The following GTF2I variants were observed in gnomAD, a reference collection of about 807,000 sequenced individuals.
GTF2I encodes the protein general transcription factor II-I.
Under a neutral mutation model 67.6 loss-of-function variants are expected in GTF2I, and 12 were observed. The observed-to-expected ratio is 0.18, with a 90% CI of 0.11 to 0.29. The LOEUF is 0.29. Ranked by LOEUF, GTF2I falls within the 10% of genes least tolerant of loss-of-function variation. GTF2I has a pLI of 1.00. For missense variants in GTF2I, 271 were observed against 580.1 expected (o/e 0.47, Z 5.47); for synonymous variants, 149 against 197.0 (o/e 0.76, Z 2.04).
chr7:74,661,030 G>A lies in GTF2I; in HGVS notation c.-6+2962G>A, dbSNP rs185379463. Among the ~76,000 whole-genome samples, 171 of 152,322 alleles carry A rather than the reference G, an allele frequency of 1.1e-3. 1 individual carries two copies. The highest frequency in any genetic ancestry group is 3.9e-3 in the African/African-American group (163 of 41,582). On this transcript the variant is annotated intron_variant, in intron 1 of 34. Coordinates refer to ENST00000573035, the MANE Select transcript of GTF2I (RefSeq NM_032999.4). ...TTTTCTTATTTAATCTTTGTGACAA[G>A]TCTGTAATTCTATTCTATAGAGCGG...
At chr7:74,721,825 A>C (rs966018232) in intron 12 of GTF2I, among the ~76,000 whole-genome samples, 1 of 152,088 alleles carries the variant, frequency 6.6e-6, no homozygotes, top group Admixed American at 6.5e-5. Context: ...CAATAATCTG[A>C]AAAAAGATCT....
At chr7:74,700,770 A>T in intron 6 of GTF2I, 136 bp downstream of exon 6, 1 of 873,218 alleles carries the variant, frequency 1.1e-6, no homozygotes. Flanking sequence ...TTAGATGTTT[A>T]TATAATCCAC....
intron 3 of GTF2I, among the ~76,000 whole-genome samples, chr7:74,696,458 C>G (rs1288208161): frequency 1.3e-5 from 2 of 151,704 alleles, no homozygotes; most frequent in Non-Finnish European, 2.9e-5. Context: ...TTTCTAGTAG[C>G]TGGGATTACA....
chr7:74,732,342 G>A (rs1331988696), intron 14 of GTF2I, 137 bp from the exon 15 acceptor site: 2 of 1,201,394 alleles, frequency 1.7e-6, no homozygotes, highest in Non-Finnish European at 2.2e-6. Flanking sequence ...CCACTGCACT[G>A]CAGCCTGGGA....
chr7:74,726,081 C>T (rs1554405610), intron 12 of GTF2I, among the ~76,000 whole-genome samples: 2 of 152,100 alleles, frequency 1.3e-5, no homozygotes, highest in Non-Finnish European at 2.9e-5. Context: ...TGTTTCCTTT[C>T]TCATGTCATT....
In GTF2I at chr7:74,706,372, G is replaced by A. The variant is rs1790693551; in HGVS notation, c.642-18G>A. The A allele has an allele frequency of 6.2e-7, 1 of 1,612,302 alleles. No homozygotes were observed. Among genetic ancestry groups the A allele is most frequent in the African/African-American group, 1.3e-5 (1 of 74,904 alleles). ...GTCACCAGCACGTGGCTTGATCAGG[G>A]CTTTCTTCTCCTTGCAGTTGTGGCC... On this transcript the variant is annotated intron_variant, in intron 7 of 34. Transcript: ENST00000573035.
chr7:74,672,822 G>A (rs1014968164), intron 1 of GTF2I, among the ~76,000 whole-genome samples: 1 of 152,018 alleles, frequency 6.6e-6, no homozygotes, highest in African/African-American at 2.4e-5. Context: ...AGACAATATC[G>A]ACAACAATGA....
intron 4 of GTF2I, 107 bp downstream of exon 4, chr7:74,699,202 T>C (rs1789386128): frequency 2.0e-6 from 1 of 508,752 alleles, no homozygotes; most frequent in Non-Finnish European, 3.3e-6. Context: ...ACATTTTCAG[T>C]GACTGAATGG....
chr7:74,734,226 AAAAG>A (rs1202804003), intron 16 of GTF2I, among the ~76,000 whole-genome samples: 1 of 136,862 alleles, frequency 7.3e-6, no homozygotes, highest in Non-Finnish European at 1.6e-5. Flanking sequence ...AGACAGAAGT[AAAAG>A]AACAATATTT....
chr7:74,720,626 G>T (rs1228531540), intron 12 of GTF2I, among the ~76,000 whole-genome samples: 7 of 151,934 alleles, frequency 4.6e-5, no homozygotes, highest in African/African-American at 1.7e-4. Flanking sequence ...CTACTCAGCT[G>T]TGCCCTTTCT....
At chr7:74,711,918 C>G (rs1249161607) in intron 9 of GTF2I, among the ~76,000 whole-genome samples, 1 of 148,156 alleles carries the variant, frequency 6.7e-6, no homozygotes, top group Non-Finnish European at 1.5e-5. Flanking sequence ...TGTGTAGAGG[C>G]TTTTGTGTGG....
intron 34 of GTF2I, chr7:74,759,167 CT>C (rs1217505916): frequency 1.4e-3 from 102 of 71,094 alleles, no homozygotes; most frequent in Middle Eastern, 3.6e-3. Context: ...ATTAGACTGA[CT>C]TTTTTTTTTC....
intron 12 of GTF2I, among the ~76,000 whole-genome samples, chr7:74,726,192 T>A (rs1793754480): frequency 6.6e-6 from 1 of 152,210 alleles, no homozygotes; most frequent in South Asian, 2.1e-4. Flanking sequence ...GGGAAATACT[T>A]TTATTTTAGA....
chr7:74,727,650 A>G (rs1200478439), intron 12 of GTF2I: 3 of 152,204 alleles, frequency 2.0e-5, no homozygotes, highest in African/African-American at 4.8e-5. Flanking sequence ...TTGTTTTTAA[A>G]TAAGAATTTC....
At chr7:74,706,165 G>A (rs188977296) in intron 7 of GTF2I, among the ~76,000 whole-genome samples, 10 of 152,288 alleles carry the variant, frequency 6.6e-5, no homozygotes, top group African/African-American at 2.2e-4. Flanking sequence ...TGATCTGCCC[G>A]CCTCGGCCTC....
At chr7:74,698,933 T>C in intron 3 of GTF2I, 28 bp from the exon 4 acceptor site, 1 of 1,149,366 alleles carries the variant, frequency 8.7e-7, no homozygotes, top group Non-Finnish European at 1.2e-6. Flanking sequence ...TTATTATTTT[T>C]TTATTTTATT....
chr7:74,678,593 G>A (rs1400040751), intron 1 of GTF2I, among the ~76,000 whole-genome samples: 2 of 151,952 alleles, frequency 1.3e-5, no homozygotes, highest in Non-Finnish European at 2.9e-5. Context: ...TTTCACCTTC[G>A]TTGAGACTGA....
chr7:74,724,253 A>G (rs993340549), intron 12 of GTF2I, among the ~76,000 whole-genome samples: 2 of 152,230 alleles, frequency 1.3e-5, no homozygotes, highest in Non-Finnish European at 2.9e-5. Context: ...TGAAATGTAT[A>G]GGGTAATTAA....
intron 1 of GTF2I, among the ~76,000 whole-genome samples, chr7:74,662,699 T>G (rs1488240750): frequency 6.6e-6 from 1 of 151,828 alleles, no homozygotes; most frequent in African/African-American, 2.4e-5. Context: ...ATTTTTTGTA[T>G]TTTTAGTAGA....
Sources: allele counts gnomAD v4.1 joint callset (sites outside exome capture counted in the v4.1 genomes callset), GRCh38; gene constraint gnomAD v4.1.1; transcripts MANE v1.5; gene names NCBI Gene and HGNC (gene_info 2026-07-23, HGNC 2026-07-21).